PDE8B: variants seen among roughly 807,000 people sequenced by gnomAD.
PDE8B encodes the protein phosphodiesterase 8B, also known as high affinity cAMP-specific and IBMX-insensitive 3',5'-cyclic phosphodiesterase 8B.
Under a neutral mutation model 101.3 loss-of-function variants are expected in PDE8B, and 26 were observed. The observed-to-expected ratio is 0.26, with a 90% CI of 0.19 to 0.36. The LOEUF (loss-of-function observed/expected upper bound fraction) is 0.36. PDE8B is among the 10% of genes least tolerant of loss of function. The pLI is 1.00. For synonymous variants in PDE8B, 424 were observed against 429.3 expected (o/e 0.99, Z 0.15); for missense variants, 810 against 1,163.1 (o/e 0.70, Z 4.42).
At chr5:77,369,370 T>G (rs1784695351) in intron 10 of PDE8B, among the ~76,000 whole-genome samples, 2 of 151,542 alleles carry the variant, frequency 1.3e-5, no homozygotes, top group South Asian at 4.2e-4. Flanking sequence ...AATTCCAAGG[T>G]GGAAGGAGTA....
At chr5:77,150,982 G>A in the PDE8B span, among the ~76,000 whole-genome samples, 1 of 152,234 alleles carries the variant, frequency 6.6e-6, no homozygotes, top group Admixed American at 6.5e-5. Flanking sequence ...CCAGCAGGTA[G>A]ACATTCTAAA....
chr5:77,124,838 A>G, the PDE8B span, among the ~76,000 whole-genome samples: 1 of 152,198 alleles, frequency 6.6e-6, no homozygotes, highest in African/African-American at 2.4e-5. Context: ...AAAGATGGAG[A>G]AACAGCACAT....
intron 17 of PDE8B, among the ~76,000 whole-genome samples, chr5:77,416,579 C>T (rs1017548697): frequency 6.6e-6 from 1 of 151,900 alleles, no homozygotes; most frequent in Non-Finnish European, 1.5e-5. Flanking sequence ...TCTGCTGTCC[C>T]TATTCAGGAA....
intron 1 of PDE8B, among the ~76,000 whole-genome samples, chr5:77,265,064 C>A (rs1376099864): frequency 1.3e-5 from 2 of 152,208 alleles, no homozygotes; most frequent in East Asian, 3.9e-4. Context: ...GTTATTGACA[C>A]ACTGATGGTG....
At chr5:77,290,638 A>T (rs1161208921) in intron 1 of PDE8B, 26 of 1,512,302 alleles carry the variant, frequency 1.7e-5, no homozygotes, top group Non-Finnish European at 2.1e-5. Flanking sequence ...GAGTATGTGG[A>T]TATCTGTGAC....
chr5:77,096,092 C>T, the PDE8B span, among the ~76,000 whole-genome samples: 5 of 152,162 alleles, frequency 3.3e-5, no homozygotes, highest in Middle Eastern at 3.4e-3. Flanking sequence ...CAGGTTCCAG[C>T]AATTCTCCCA....
chr5:77,244,556 T>C (rs1260417233), intron 1 of PDE8B, among the ~76,000 whole-genome samples: 2 of 152,114 alleles, frequency 1.3e-5, no homozygotes, highest in Non-Finnish European at 2.9e-5. Context: ...CTCAGTATAT[T>C]GTATAGAAAG....
rs776997027 is a variant in PDE8B, at chr5:77,337,297, G to A, written c.779G>A (p.Arg260His). The A allele has an allele frequency of 7.6e-6, 12 of 1,574,290 alleles. No homozygotes were observed. The highest frequency in any genetic ancestry group is 1.7e-5 in the Admixed American group (1 of 59,390). ...ELIQIEHGEV[R>H]SQFKLRACNS... ...ATTCAAATAGAACATGGGGAAGTTC[G>A]CTCCCAGTTCAAATTACGGTATGTA... Residue 260 changes from arginine to histidine, a missense_variant, in exon 6 of 22, where the codon CGC (arginine) becomes CAC (histidine). Physicochemically the swap from Arg to His is conservative, Grantham distance 29 (BLOSUM62 0). Transcript: ENST00000264917.
rs909631633 is a variant in PDE8B at position 77,282,118 on chromosome 5, A to C, written c.340-29876A>C. Among the ~76,000 whole-genome samples the C allele has an allele frequency of 3.9e-5, 6 of 152,188 alleles. No homozygotes were observed. In the East Asian group the frequency reaches 1.2e-3, roughly 29 times the overall value. ...TTCAGAGCCAGAGTCCTTACCTGCT[A>C]ACTGCCCCGTGGACAGAGGCAGACC... is the stretch of plus-strand genomic sequence containing the variant. On this transcript the variant is annotated intron_variant, in intron 1 of 21. Coordinates refer to ENST00000264917, the MANE Select transcript of PDE8B (RefSeq NM_003719.5).
the PDE8B span, among the ~76,000 whole-genome samples, chr5:77,116,994 C>T: frequency 3.1e-4 from 47 of 152,326 alleles, no homozygotes; most frequent in Middle Eastern, 3.4e-3. Flanking sequence ...CTTCTACACC[C>T]GGTTTCCACC....
At chr5:77,161,166 C>T in the PDE8B span, among the ~76,000 whole-genome samples, 3 of 152,102 alleles carry the variant, frequency 2.0e-5, no homozygotes, top group Non-Finnish European at 4.4e-5. Context: ...ATAACCATGA[C>T]CATAAGGAAG....
chr5:77,228,787 CAG>C (rs920839732), intron 1 of PDE8B, among the ~76,000 whole-genome samples: 8 of 152,140 alleles, frequency 5.3e-5, no homozygotes, highest in Non-Finnish European at 1.0e-4. Context: ...GGATTTTAAA[CAG>C]GGGAATGACA....
At chr5:77,257,057 G>T (rs1416158019) in intron 1 of PDE8B, among the ~76,000 whole-genome samples, 1 of 152,072 alleles carries the variant, frequency 6.6e-6, no homozygotes, top group East Asian at 1.9e-4. Context: ...TCACAAAAAA[G>T]TAGATATATC....
intron 10 of PDE8B, among the ~76,000 whole-genome samples, chr5:77,380,853 G>A (rs181430510): frequency 5.9e-5 from 9 of 152,350 alleles, no homozygotes; most frequent in Admixed American, 4.6e-4. Flanking sequence ...AGTAGGATGG[G>A]CAGGAAATAT....
chr5:77,255,128 G>A (rs147963141), intron 1 of PDE8B, among the ~76,000 whole-genome samples: 55 of 152,178 alleles, frequency 3.6e-4, no homozygotes, highest in African/African-American at 1.3e-3. Context: ...CATTTCCTCT[G>A]TAGCCAAGGA....
chr5:77,411,707 A>G lies in PDE8B; in HGVS notation c.1562A>G (p.Tyr521Cys). ...TTGAGAAGACTGTCAGGAAACGAGTATGTGTTTACTAAGAGTAAGTTTTCA... is the reference window on the plus strand; with the variant it reads ...TTGAGAAGACTGTCAGGAAACGAGTGTGTGTTTACTAAGAGTAAGTTTTCA... ...DGLRRLSGNE[Y>C]VFTKNVHQSH... The change falls in exon 15 of 22, where the codon TAT becomes TGT. Residue 521 changes from tyrosine (Y) to cysteine (C), a missense_variant. By Grantham distance (194) the Tyr-to-Cys change is radical (BLOSUM62 -2). Transcript: ENST00000264917. 1.9e-6 allele frequency: 3 copies of G among 1,611,306 alleles called. No individual in the cohort carries two copies. Among genetic ancestry groups the G allele is most frequent in the Non-Finnish European group, 2.5e-6 (3 of 1,177,458 alleles).
chr5:77,408,238 A>G (rs1346812263), intron 13 of PDE8B, among the ~76,000 whole-genome samples: 1 of 152,176 alleles, frequency 6.6e-6, no homozygotes, highest in East Asian at 1.9e-4. Context: ...GAATGAGGAA[A>G]AGTATTATGT....
the PDE8B span, among the ~76,000 whole-genome samples, chr5:77,189,684 G>A: frequency 6.6e-6 from 1 of 152,324 alleles, no homozygotes; most frequent in African/African-American, 2.4e-5. Flanking sequence ...GAAGTGAGCA[G>A]GAGGGGCAGC....
chr5:77,365,738 G>T (rs1784003294), intron 10 of PDE8B, among the ~76,000 whole-genome samples: 2 of 152,206 alleles, frequency 1.3e-5, no homozygotes, highest in Non-Finnish European at 2.9e-5. Flanking sequence ...CCCAAGAGAA[G>T]TCTGACCTGG....
Sources: gnomAD v4.1 joint callset for allele counts (sites outside exome capture counted in the v4.1 genomes callset) on GRCh38, gnomAD v4.1.1 for gene constraint, MANE v1.5 for transcripts, NCBI Gene and HGNC (gene_info 2026-07-23, HGNC 2026-07-21) for gene names.